The following PPP2R5A variants were observed in gnomAD, a reference collection of about 807,000 sequenced individuals.
The protein encoded by PPP2R5A is protein phosphatase 2 regulatory subunit B'alpha, also known as serine/threonine-protein phosphatase 2A 56 kDa regulatory subunit alpha isoform.
Under a neutral mutation model 64.2 loss-of-function variants are expected in PPP2R5A, and 25 were observed. The ratio of observed to expected loss-of-function variants is 0.39; its 90% CI spans 0.28 to 0.54. PPP2R5A has a LOEUF of 0.54. Among genes scored for constraint, PPP2R5A ranks in the 20% least tolerant of loss-of-function variants. The pLI is 0.67. For missense variants in PPP2R5A, 425 were observed against 576.3 expected, an observed-to-expected ratio of 0.74 and a Z score of 2.69; for synonymous variants, 198 against 201.2, an observed-to-expected ratio of 0.98 and a Z score of 0.13.
At position 212,361,755 on chromosome 1, in the gene PPP2R5A, C is replaced by T. The variant is rs1660087201; in HGVS notation, c.*985C>T. The T allele has an allele frequency of 6.6e-6, 1 of 152,664 alleles. No homozygotes were observed. The highest frequency in any genetic ancestry group is 1.5e-5 in the Non-Finnish European group (1 of 68,044). 9.5% of individuals were successfully genotyped at this position (152,664 alleles called of 1,614,324 possible). A position where few individuals can be genotyped will look rare whatever the true frequency, so the allele number is the denominator to read the frequency against. On this transcript the variant is annotated 3_prime_UTR_variant, in exon 13 of 13. Coordinates refer to ENST00000261461, the MANE Select transcript of PPP2R5A (RefSeq NM_006243.4). ...CTCACATCTTTTGTTATCAGAGTAC[C>T]ATTCCAATCTCTTAACTTGCAGTTG... is the stretch of plus-strand genomic sequence containing the variant.
chr1:212,358,898 A>C, intron 12 of PPP2R5A, 111 bp downstream of exon 12: 1 of 759,242 alleles, frequency 1.3e-6, no homozygotes, highest in Non-Finnish European at 2.1e-6. Flanking sequence ...TTAAGAAGTT[A>C]ATTACCTTAT....
chr1:212,304,640 G>C (rs1390378027), intron 1 of PPP2R5A, among the ~76,000 whole-genome samples: 1 of 151,696 alleles, frequency 6.6e-6, no homozygotes, highest in Non-Finnish European at 1.5e-5. Context: ...GTATGCTGTG[G>C]CCTCTTAACT....
chr1:212,296,314 A>G (rs1658690489), intron 1 of PPP2R5A, among the ~76,000 whole-genome samples: 1 of 152,194 alleles, frequency 6.6e-6, no homozygotes, highest in Admixed American at 6.5e-5. Context: ...AGTTATAAAT[A>G]TCAAATAGAT....
chr1:212,317,492 C>A (rs879696454), intron 1 of PPP2R5A, among the ~76,000 whole-genome samples: 1 of 132,334 alleles, frequency 7.6e-6, no homozygotes, highest in Non-Finnish European at 1.6e-5. Context: ...TTTTCAAACT[C>A]GTTTTCACTG....
intron 1 of PPP2R5A, among the ~76,000 whole-genome samples, chr1:212,290,848 A>G (rs1313598030): frequency 6.6e-6 from 1 of 152,178 alleles, no homozygotes; most frequent in African/African-American, 2.4e-5. Context: ...ATTCCTTTCA[A>G]CTTCAGTTTA....
chr1:212,325,752 G>C (rs1659397637), intron 1 of PPP2R5A, among the ~76,000 whole-genome samples: 1 of 152,050 alleles, frequency 6.6e-6, no homozygotes, highest in African/African-American at 2.4e-5. Flanking sequence ...ATAACTGAGA[G>C]AACTATGGGG....
chr1:212,310,254 A>T (rs1659003327), intron 1 of PPP2R5A, among the ~76,000 whole-genome samples: 1 of 151,402 alleles, frequency 6.6e-6, no homozygotes, highest in South Asian at 2.1e-4. Flanking sequence ...TCAGTATGTG[A>T]TATTTGTTCT....
chr1:212,351,102 C>CAAAAAAAAA (rs58625826), intron 8 of PPP2R5A, among the ~76,000 whole-genome samples: 7 of 103,860 alleles, frequency 6.7e-5, no homozygotes, highest in Non-Finnish European at 1.3e-4. Flanking sequence ...CGAGATGACA[C>CAAAAAAAAA]AAAAAAAAAA....
At chr1:212,327,729 A>G (rs1006431253) in intron 1 of PPP2R5A, among the ~76,000 whole-genome samples, 5 of 151,634 alleles carry the variant, frequency 3.3e-5, no homozygotes, top group African/African-American at 9.8e-5. Flanking sequence ...TTGAGTGCCT[A>G]TTATATGCCA....
intron 1 of PPP2R5A, among the ~76,000 whole-genome samples, chr1:212,299,814 CTTTTT>C: frequency 7.0e-6 from 1 of 141,928 alleles, no homozygotes; most frequent in African/African-American, 2.6e-5. Context: ...CTTCATAAGA[CTTTTT>C]TTTTTTTTTT....
intron 5 of PPP2R5A, 69 bp downstream of exon 5, chr1:212,346,002 A>G (rs1280489521): frequency 1.4e-6 from 2 of 1,451,802 alleles, no homozygotes; most frequent in Non-Finnish European, 1.9e-6. Flanking sequence ...AAGTTCTTTT[A>G]TTTTTATTTG....
At chr1:212,341,283 C>T (rs1384520526) in intron 3 of PPP2R5A, among the ~76,000 whole-genome samples, 1 of 152,192 alleles carries the variant, frequency 6.6e-6, no homozygotes, top group Non-Finnish European at 1.5e-5. Context: ...GTGGTTGGTA[C>T]ACAGACATTT....
chr1:212,360,899 T>C lies in PPP2R5A; in HGVS notation c.*129T>C, dbSNP rs1423617721. 9.5e-6 allele frequency: 8 copies of C among 837,820 alleles called. No individual in the cohort carries two copies. The highest frequency in any genetic ancestry group is 7.1e-5 in the African/African-American group (4 of 56,054). The allele number at this position is 837,820 out of a possible 1,614,324, so 51.9% of individuals were successfully genotyped here. On this transcript the variant is annotated 3_prime_UTR_variant, in exon 13 of 13. Transcript: ENST00000261461. Reference sequence around the variant, plus strand: ...GCCAATTTTTTCTGGCAACTGTAAATGGAAAAATATATGGACTAAACGTAG... The same window carrying C: ...GCCAATTTTTTCTGGCAACTGTAAACGGAAAAATATATGGACTAAACGTAG...
chr1:212,328,293 C>T (rs999961025), intron 1 of PPP2R5A, among the ~76,000 whole-genome samples: 1 of 151,622 alleles, frequency 6.6e-6, no homozygotes, highest in Non-Finnish European at 1.5e-5. Context: ...CCAGCCCAGG[C>T]GACAGAGCAA....
rs544261897 is a variant in PPP2R5A, at chr1:212,286,297, C to T, written c.181+6C>T. On this transcript the variant is annotated splice_donor_region_variant and intron_variant, in intron 1 of 12. Transcript: ENST00000261461. ...CCCGCTGCCCCAGCTCAAAGGTAAC[C>T]TCCGAGGGCGCAGCCCCAGCAGCGA... The T allele has an allele frequency of 1.2e-5, 18 of 1,503,784 alleles. No individual in the cohort carries two copies. In the South Asian group the frequency reaches 1.5e-4, roughly 12 times the overall value. The allele number at this position is 1,503,784 out of a possible 1,614,324, so 93.2% of individuals were successfully genotyped here.
intron 8 of PPP2R5A, among the ~76,000 whole-genome samples, chr1:212,354,725 T>TGA (rs67572683): frequency 0.11 from 15,944 of 146,998 alleles, 2,530 homozygotes; most frequent in African/African-American, 0.36. Context: ...AGAGAAATGT[T>TGA]GAGAGAGAGA....
intron 6 of PPP2R5A, 90 bp downstream of exon 6, chr1:212,347,496 A>G (rs1659803716): frequency 1.0e-6 from 1 of 993,194 alleles, no homozygotes; most frequent in East Asian, 2.5e-5. Flanking sequence ...AAATTATGTC[A>G]TATTTTAGAG....
intron 8 of PPP2R5A, among the ~76,000 whole-genome samples, chr1:212,353,408 C>T (rs1342822990): frequency 6.6e-6 from 1 of 152,158 alleles, no homozygotes; most frequent in Non-Finnish European, 1.5e-5. Context: ...GGGGATTACA[C>T]AAGGGTGTGA....
intron 1 of PPP2R5A, among the ~76,000 whole-genome samples, chr1:212,290,698 G>T (rs911404704): frequency 3.3e-5 from 5 of 152,066 alleles, no homozygotes; most frequent in African/African-American, 4.8e-5. Context: ...ATTGTTAATT[G>T]TGGATTATTT....
Sources: gnomAD v4.1 joint callset for allele counts (sites outside exome capture counted in the v4.1 genomes callset) on GRCh38, gnomAD v4.1.1 for gene constraint, MANE v1.5 for transcripts, NCBI Gene and HGNC (gene_info 2026-07-23, HGNC 2026-07-21) for gene names.